The following GLIS3 variants were observed in gnomAD, a reference collection of about 807,000 sequenced individuals.
The protein encoded by GLIS3 is zinc finger protein GLIS3.
A neutral mutation model predicts 78.6 loss-of-function variants in GLIS3; 53 were observed. The observed-to-expected ratio is 0.67, with a 90% CI of 0.54 to 0.85. The LOEUF is 0.85. GLIS3 is among the 40% of genes least tolerant of loss of function. The pLI, the probability that GLIS3 is intolerant of heterozygous loss-of-function variation, is 0.00. For missense variants in GLIS3, 1,703 were observed against 1,231.1 expected (o/e 1.38, Z -5.74); for synonymous variants, 684 against 509.9 (o/e 1.34, Z -4.60).
At chr9:4,027,837 G>C (rs1014541030) in intron 4 of GLIS3, among the ~76,000 whole-genome samples, 3 of 152,154 alleles carry the variant, frequency 2.0e-5, no homozygotes, top group African/African-American at 7.2e-5. Context: ...CGGAACCCTC[G>C]TAGGAGAGGT....
chr9:4,246,281 T>A (rs1823794396), intron 2 of GLIS3, among the ~76,000 whole-genome samples: 1 of 152,208 alleles, frequency 6.6e-6, no homozygotes. Context: ...TTCATTTAAA[T>A]GGTTAGTGAT....
chr9:4,333,271 G>A (rs1477937502), intron 2 of GLIS3, among the ~76,000 whole-genome samples: 1 of 37,052 alleles, frequency 2.7e-5, no homozygotes, highest in African/African-American at 5.8e-5. Flanking sequence ...ATGGGAAGGG[G>A]AAGGGGAATG....
intron 4 of GLIS3, among the ~76,000 whole-genome samples, chr9:4,055,766 T>C (rs1826104403): frequency 6.6e-6 from 1 of 152,120 alleles, no homozygotes; most frequent in Admixed American, 6.6e-5. Flanking sequence ...CTGGCTCAAG[T>C]TCAACAACAG....
At chr9:4,257,040 T>C (rs1337516391) in intron 2 of GLIS3, among the ~76,000 whole-genome samples, 1 of 152,214 alleles carries the variant, frequency 6.6e-6, no homozygotes, top group Non-Finnish European at 1.5e-5. Context: ...TTAATGTACA[T>C]ATAGGTATTA....
At chr9:4,283,722 A>T (rs1014502422) in intron 2 of GLIS3, among the ~76,000 whole-genome samples, 1 of 152,236 alleles carries the variant, frequency 6.6e-6, no homozygotes, top group Non-Finnish European at 1.5e-5. Context: ...CAAAGTTCAA[A>T]TAATCCTAGA....
chr9:4,276,779 G>A (rs568684843), intron 2 of GLIS3, among the ~76,000 whole-genome samples: 1 of 152,116 alleles, frequency 6.6e-6, no homozygotes, highest in South Asian at 2.1e-4. Flanking sequence ...TTTATACAAA[G>A]CATCAATAAA....
upstream of GLIS3, among the ~76,000 whole-genome samples, chr9:4,348,631 G>T (rs1368716032): frequency 6.6e-6 from 1 of 152,138 alleles, no homozygotes; most frequent in Non-Finnish European, 1.5e-5. Flanking sequence ...AAAGAAGGTG[G>T]GAACGAAATT....
rs75271011 is a variant in GLIS3 at position 4,299,103 on chromosome 9, A to C, written c.-99+318T>G. On this transcript the variant is annotated intron_variant, in intron 1 of 10. Transcript: ENST00000381971. ...GCTCTACTTGAAATGAAAACACAAA[A>C]ACTGTTCCGAATTAGCGCAACTTTA... Among the ~76,000 whole-genome samples, 209 of 151,976 alleles carry C rather than the reference A, an allele frequency of 1.4e-3. 2 individuals carry two copies. Among genetic ancestry groups the C allele is most frequent in the African/African-American group, 3.6e-3 (151 of 41,468 alleles).
chr9:4,295,260 A>T (rs1378251513), intron 1 of GLIS3, among the ~76,000 whole-genome samples: 20 of 152,102 alleles, frequency 1.3e-4, no homozygotes, highest in Non-Finnish European at 2.2e-4. Context: ...AGTGGAAGGA[A>T]CGCCTCTGAA....
chr9:4,212,832 A>G (rs1026651821), intron 2 of GLIS3, among the ~76,000 whole-genome samples: 5 of 152,200 alleles, frequency 3.3e-5, no homozygotes, highest in Admixed American at 3.3e-4. Context: ...GGGCCAGATG[A>G]CAAAGAGCTT....
Position 3,885,751 on chromosome 9 carries a change from G to A in GLIS3, c.2129-6156C>T, listed in dbSNP as rs147302394. On this transcript the variant is annotated intron_variant, in intron 7 of 10. Coordinates refer to ENST00000381971, the MANE Select transcript of GLIS3 (RefSeq NM_001042413.2). ...AGAATTTTAGAGCTGGGAAAAGTTC[G>A]GGAACAGCTGGACAACAGAAATTCT... is the stretch of plus-strand genomic sequence containing the variant. Among the ~76,000 whole-genome samples the A allele has an allele frequency of 9.1e-3, 1,391 of 152,254 alleles. 11 individuals carry two copies. The highest frequency in any genetic ancestry group is 0.013 in the Non-Finnish European group (917 of 68,024).
chr9:4,204,958 A>C (rs1819733463), intron 2 of GLIS3, among the ~76,000 whole-genome samples: 1 of 151,364 alleles, frequency 6.6e-6, no homozygotes, highest in Non-Finnish European at 1.5e-5. Flanking sequence ...TGGGCAAATC[A>C]CCTCAGGTCA....
chr9:4,459,210 A>C, the GLIS3 span, among the ~76,000 whole-genome samples: 1 of 152,182 alleles, frequency 6.6e-6, no homozygotes, highest in Non-Finnish European at 1.5e-5. Flanking sequence ...AGCTGATGAG[A>C]AGTGGCCATA....
the GLIS3 span, among the ~76,000 whole-genome samples, chr9:4,420,931 G>A: frequency 6.6e-6 from 1 of 152,050 alleles, no homozygotes; most frequent in Non-Finnish European, 1.5e-5. Context: ...CATTTTTGTA[G>A]CACTTGCATG....
At chr9:3,947,227 G>T (rs538738347) in intron 4 of GLIS3, among the ~76,000 whole-genome samples, 2 of 152,234 alleles carry the variant, frequency 1.3e-5, no homozygotes, top group Admixed American at 6.5e-5. Context: ...GATGAGAATT[G>T]CCACTTCTTG....
intron 2 of GLIS3, among the ~76,000 whole-genome samples, chr9:4,237,382 G>C (rs1388411865): frequency 6.6e-6 from 1 of 152,068 alleles, no homozygotes; most frequent in African/African-American, 2.4e-5. Context: ...AAAAAAATCA[G>C]AATGTAGAAT....
At chr9:4,330,311 C>T (rs1236459428) in intron 2 of GLIS3, among the ~76,000 whole-genome samples, 3 of 152,270 alleles carry the variant, frequency 2.0e-5, no homozygotes, top group Admixed American at 6.5e-5. Context: ...ACACAGATTG[C>T]TGGTACCCAT....
chr9:4,450,197 G>C, the GLIS3 span, among the ~76,000 whole-genome samples: 1 of 152,104 alleles, frequency 6.6e-6, no homozygotes, highest in South Asian at 2.1e-4. Flanking sequence ...ACTATGTGAT[G>C]CATACACAAA....
chr9:4,480,074 T>A, the GLIS3 span, among the ~76,000 whole-genome samples: 1 of 151,858 alleles, frequency 6.6e-6, no homozygotes, highest in African/African-American at 2.4e-5. Context: ...GACCAGAAAA[T>A]ATTTTCTTCT....
Sources: allele counts gnomAD v4.1 joint callset (sites outside exome capture counted in the v4.1 genomes callset), GRCh38; gene constraint gnomAD v4.1.1; transcripts MANE v1.5; gene names NCBI Gene and HGNC (gene_info 2026-07-23, HGNC 2026-07-21).